Variants in SRSF11 observed in about 807,000 individuals in gnomAD.
SRSF11 encodes the protein serine and arginine rich splicing factor 11.
Under a neutral mutation model 56.0 loss-of-function variants are expected in SRSF11, and 9 were observed. That is an observed-to-expected ratio of 0.16 (90% confidence interval 0.10 to 0.28). The LOEUF is 0.28. Among genes scored for constraint, SRSF11 ranks in the 10% least tolerant of loss-of-function variants. The pLI, the probability that SRSF11 is intolerant of heterozygous loss-of-function variation, is 1.00. For synonymous variants in SRSF11, 222 were observed against 215.3 expected (o/e 1.03, Z -0.27); for missense variants, 421 against 600.7 (o/e 0.70, Z 3.13).
chr1:70,233,245 G>T (rs1673224904), intron 3 of SRSF11, among the ~76,000 whole-genome samples: 2 of 151,156 alleles, frequency 1.3e-5, no homozygotes, highest in Non-Finnish European at 3.0e-5. Flanking sequence ...TGTTTTGTTT[G>T]TTTTTGTTTT....
intron 1 of SRSF11, among the ~76,000 whole-genome samples, chr1:70,210,818 CT>C (rs934671713): frequency 1.3e-5 from 2 of 151,666 alleles, no homozygotes; most frequent in Non-Finnish European, 2.9e-5. Context: ...TATATGAGGG[CT>C]TTTTTTAAAT....
chr1:70,217,151 G>GTTGTTTT (rs576134116), upstream of SRSF11, among the ~76,000 whole-genome samples: 2 of 151,606 alleles, frequency 1.3e-5, no homozygotes, highest in Admixed American at 6.6e-5. Context: ...TTTTTTTGTT[G>GTTGTTTT]TTGTTTTTTG....
chr1:70,227,123 T>C (rs1671956396), intron 1 of SRSF11, among the ~76,000 whole-genome samples: 1 of 152,116 alleles, frequency 6.6e-6, no homozygotes, highest in Admixed American at 6.5e-5. Context: ...CATGTTAGTG[T>C]TTGAGTTGTG....
chr1:70,210,307 C>G lies in SRSF11; in HGVS notation c.-26+4527C>G, dbSNP rs145990886. On this transcript the variant is annotated intron_variant, in intron 1 of 12. Transcript: ENST00000370950. The stretch of plus-strand genomic sequence containing the variant: ...CAGTAGCTGCGACTGTAGGCTCATG[C>G]CACCACATTCAGCTAATTTTTTAAT... Among the ~76,000 whole-genome samples the G allele has an allele frequency of 4.9e-3, 741 of 152,128 alleles. 5 individuals carry two copies. The highest frequency in any genetic ancestry group is 0.014 in the Middle Eastern group (4 of 294).
At chr1:70,232,119 T>C (rs746119228) in intron 2 of SRSF11, 149 bp from the exon 3 acceptor site, 71 of 1,550,276 alleles carry the variant, frequency 4.6e-5, no homozygotes, top group Non-Finnish European at 6.0e-5. Flanking sequence ...TAATGATAAA[T>C]AATCATAGAA....
At chr1:70,230,419 C>G (rs1391956281) in intron 2 of SRSF11, 1 of 1,168,082 alleles carries the variant, frequency 8.6e-7, no homozygotes, top group African/African-American at 1.6e-5. Context: ...AAGGAATAGT[C>G]TTAATTGGTA....
In SRSF11 at chr1:70,250,994, C is replaced by T. The variant is rs570537374; in HGVS notation, c.*189C>T. The stretch of plus-strand genomic sequence containing the variant: ...GCTTTTAGAAAATGGTACGAGGTAA[C>T]CAATTCTTGTCATGGTGAAATCTGA... On this transcript the variant is annotated 3_prime_UTR_variant, in exon 12 of 12. Transcript: ENST00000370949. The T allele has an allele frequency of 3.3e-5, 18 of 538,976 alleles. No homozygotes were observed. Among genetic ancestry groups the T allele is most frequent in the African/African-American group, 3.2e-4 (17 of 53,094 alleles). The allele number at this position is 538,976 out of a possible 1,614,324, so 33.4% of individuals were successfully genotyped here.
intron 9 of SRSF11, chr1:70,248,891 GGTGCACAGTC>G (rs1360836018): frequency 1.4e-4 from 22 of 152,184 alleles, no homozygotes; most frequent in African/African-American, 3.6e-4. Context: ...AAAAGTATAA[GGTGCACAGTC>G]GTGACAATGT....
intron 9 of SRSF11, chr1:70,247,217 CTTA>C (rs1676957638): frequency 1.8e-6 from 1 of 560,254 alleles, no homozygotes; most frequent in African/African-American, 2.0e-5. Context: ...ATTAAGTAAG[CTTA>C]TTATAGTAAG....
At chr1:70,242,995 A>G (rs966603225) in intron 7 of SRSF11, among the ~76,000 whole-genome samples, 2 of 152,238 alleles carry the variant, frequency 1.3e-5, no homozygotes, top group South Asian at 4.2e-4. Context: ...TGTTTAGTAA[A>G]TAGTTTCAAA....
At chr1:70,244,893 G>C in intron 8 of SRSF11, 78 bp downstream of exon 8, 2 of 1,436,872 alleles carry the variant, frequency 1.4e-6, no homozygotes, top group South Asian at 2.7e-5. Flanking sequence ...CAAAAGAGGT[G>C]GTTGGGGTGC....
chr1:70,206,932 C>G (rs1388489042), intron 1 of SRSF11, among the ~76,000 whole-genome samples: 2 of 148,072 alleles, frequency 1.4e-5, no homozygotes, highest in Non-Finnish European at 3.0e-5. Context: ...GGTCTGTCGC[C>G]TAGGCTGGAA....
chr1:70,240,017 TTGTC>T (rs1344999326), intron 7 of SRSF11, among the ~76,000 whole-genome samples: 1 of 152,212 alleles, frequency 6.6e-6, no homozygotes, highest in Admixed American at 6.5e-5. Flanking sequence ...TTTCAAAAAA[TTGTC>T]TGCCAAATAC....
In SRSF11 at chr1:70,249,965, CGAA is replaced by C; in HGVS notation, c.1041_1043del (p.Arg347del). On this transcript the variant is annotated inframe_deletion, in exon 10 of 12. Transcript: ENST00000370949. The stretch of plus-strand genomic sequence containing the variant: ...TTGTGATTCTAGAGAGAGACGACGA[CGAA>C]GAAGCAGGAGTGGCACAAGATCTCC... 1 of 1,614,032 alleles carries C rather than the reference CGAA, an allele frequency of 6.2e-7. No homozygotes were observed. Among genetic ancestry groups the C allele is most frequent in the Non-Finnish European group, 8.5e-7 (1 of 1,179,992 alleles).
intron 8 of SRSF11, 68 bp downstream of exon 8, chr1:70,244,883 C>T: frequency 6.7e-7 from 1 of 1,486,400 alleles, no homozygotes; most frequent in Admixed American, 1.8e-5. Context: ...TACTTAGTAA[C>T]AAAAGAGGTG....
intron 1 of SRSF11, among the ~76,000 whole-genome samples, chr1:70,226,964 T>C (rs1671918516): frequency 1.3e-5 from 2 of 152,240 alleles, no homozygotes; most frequent in African/African-American, 4.8e-5. Context: ...AGTAAGCCTG[T>C]ATAACAAGGT....
chr1:70,231,285 A>G, intron 2 of SRSF11: 6 of 1,173,898 alleles, frequency 5.1e-6, no homozygotes, highest in Non-Finnish European at 6.4e-6. Flanking sequence ...GTTTAATTGT[A>G]TTATTGAACT....
At chr1:70,226,435 T>A (rs1311086994) in intron 1 of SRSF11, among the ~76,000 whole-genome samples, 2 of 152,144 alleles carry the variant, frequency 1.3e-5, no homozygotes, top group African/African-American at 4.8e-5. Flanking sequence ...AAAAAAAATA[T>A]GAGTCACTTT....
intron 10 of SRSF11, 80 bp from the exon 11 acceptor site, chr1:70,250,285 A>G (rs1677701249): frequency 6.4e-7 from 1 of 1,574,326 alleles, no homozygotes; most frequent in African/African-American, 1.4e-5. Context: ...TTGCTGTACT[A>G]CTTATATCCT....
Sources: allele counts gnomAD v4.1 joint callset (sites outside exome capture counted in the v4.1 genomes callset), GRCh38; gene constraint gnomAD v4.1.1; transcripts MANE v1.5; gene names NCBI Gene and HGNC (gene_info 2026-07-23, HGNC 2026-07-21).